The following RHOJ variants were observed in gnomAD, a reference collection of about 807,000 sequenced individuals.
RHOJ encodes ras homolog family member J.
RHOJ carries 11 observed loss-of-function variants against 23.4 expected under a neutral mutation model. The ratio of observed to expected loss-of-function variants is 0.47; its 90% CI spans 0.30 to 0.78. The LOEUF is 0.78. Among genes scored for constraint, RHOJ ranks in the 30% least tolerant of loss-of-function variants. RHOJ has a pLI of 0.08. For missense variants in RHOJ, 254 were observed against 273.4 expected, an observed-to-expected ratio of 0.93 and a Z score of 0.50; for synonymous variants, 102 against 102.7, an observed-to-expected ratio of 0.99 and a Z score of 0.04.
chr14:63,290,850 TCATG>T, intron 4 of RHOJ, 24 bp from the exon 5 acceptor site: 17 of 1,585,962 alleles, frequency 1.1e-5, no homozygotes, highest in Non-Finnish European at 1.5e-5. Context: ...TTTTTATCTC[TCATG>T]CCTTTCTCTC....
At chr14:63,260,941 A>G (rs1895261344) in intron 1 of RHOJ, among the ~76,000 whole-genome samples, 1 of 151,974 alleles carries the variant, frequency 6.6e-6, no homozygotes, top group Non-Finnish European at 1.5e-5. Flanking sequence ...GTCATGGGGG[A>G]TACACTGCAG....
chr14:63,282,294 A>G (rs1881935061), intron 3 of RHOJ, among the ~76,000 whole-genome samples: 3 of 142,246 alleles, frequency 2.1e-5, no homozygotes, highest in Admixed American at 1.4e-4. Context: ...ATGCACACAC[A>G]CACACACACA....
In RHOJ at chr14:63,246,330, T is replaced by C. The variant is rs117877177; in HGVS notation, c.179-22780T>C. 4.1e-4 allele frequency among the ~76,000 whole-genome samples: 63 copies of C among 152,228 alleles called. No individual in the cohort carries two copies. The East Asian group carries it at 0.011, about 26-fold the overall frequency. ...CCTACAACAAAAACAAAGATAAAAATTAAAAGTCTAGAGTGTTCAGGGAAA... is the reference window on the plus strand; with the variant it reads ...CCTACAACAAAAACAAAGATAAAAACTAAAAGTCTAGAGTGTTCAGGGAAA... On this transcript the variant is annotated intron_variant, in intron 1 of 4. Coordinates refer to ENST00000316754, the MANE Select transcript of RHOJ (RefSeq NM_020663.5).
intron 1 of RHOJ, among the ~76,000 whole-genome samples, chr14:63,252,450 A>T (rs558978926): frequency 6.6e-6 from 1 of 152,310 alleles, no homozygotes; most frequent in Admixed American, 6.5e-5. Flanking sequence ...ATCCATTCAG[A>T]CCAGTTCATG....
At chr14:63,257,236 CA>C (rs11463617) in intron 1 of RHOJ, among the ~76,000 whole-genome samples, 4,418 of 49,126 alleles carry the variant, frequency 0.09, 71 homozygotes, top group East Asian at 0.19. Flanking sequence ...AGACTGTCTC[CA>C]AAAAAAAAAA....
At chr14:63,278,338 T>C (rs903908468) in intron 2 of RHOJ, among the ~76,000 whole-genome samples, 1 of 151,978 alleles carries the variant, frequency 6.6e-6, no homozygotes, top group Non-Finnish European at 1.5e-5. Flanking sequence ...CCAACAGGAG[T>C]GGACCATACT....
chr14:63,289,881 A>G (rs1282973359), intron 4 of RHOJ, among the ~76,000 whole-genome samples: 1 of 151,888 alleles, frequency 6.6e-6, no homozygotes, highest in Non-Finnish European at 1.5e-5. Context: ...TTATCGTTAC[A>G]TGTTTTATTG....
At chr14:63,214,577 C>CA (rs1566603919) in intron 1 of RHOJ, among the ~76,000 whole-genome samples, 1 of 152,172 alleles carries the variant, frequency 6.6e-6, no homozygotes, top group Non-Finnish European at 1.5e-5. Flanking sequence ...AGTGAGGAAA[C>CA]AGAGTGTTCT....
At chr14:63,229,968 A>G (rs1045272706) in intron 1 of RHOJ, among the ~76,000 whole-genome samples, 1 of 152,180 alleles carries the variant, frequency 6.6e-6, no homozygotes, top group Admixed American at 6.5e-5. Context: ...TTAGGCCGCT[A>G]AGAATTTTCT....
At chr14:63,236,915 C>G (rs1894800198) in intron 1 of RHOJ, among the ~76,000 whole-genome samples, 1 of 152,148 alleles carries the variant, frequency 6.6e-6, no homozygotes, top group African/African-American at 2.4e-5. Flanking sequence ...ACACATCCAC[C>G]TGTATACTTT....
At chr14:63,263,961 C>T (rs1037003583) in intron 1 of RHOJ, among the ~76,000 whole-genome samples, 1 of 150,376 alleles carries the variant, frequency 6.6e-6, no homozygotes, top group African/African-American at 2.5e-5. Context: ...AGCTCAGACA[C>T]CCCCTCCTCC....
At chr14:63,266,034 C>T (rs937870983) in intron 1 of RHOJ, among the ~76,000 whole-genome samples, 4 of 152,150 alleles carry the variant, frequency 2.6e-5, no homozygotes, top group African/African-American at 9.7e-5. Context: ...TTGTCAGACC[C>T]TGAAAGTGCC....
At chr14:63,243,315 A>C (rs936889631) in intron 1 of RHOJ, among the ~76,000 whole-genome samples, 3 of 152,116 alleles carry the variant, frequency 2.0e-5, no homozygotes, top group African/African-American at 7.2e-5. Flanking sequence ...TTGGAATGGC[A>C]TAAGGATATA....
intron 1 of RHOJ, among the ~76,000 whole-genome samples, chr14:63,214,162 A>T (rs2139730202): frequency 6.6e-6 from 1 of 152,336 alleles, no homozygotes; most frequent in African/African-American, 2.4e-5. Flanking sequence ...GCCATAAGAA[A>T]AGCTTACTTG....
chr14:63,262,470 C>G (rs997912787), intron 1 of RHOJ, among the ~76,000 whole-genome samples: 1 of 152,224 alleles, frequency 6.6e-6, no homozygotes, highest in East Asian at 1.9e-4. Context: ...ACATACTTAA[C>G]AGGTCACTGA....
At chr14:63,266,107 T>C (rs910209783) in intron 1 of RHOJ, among the ~76,000 whole-genome samples, 8 of 152,226 alleles carry the variant, frequency 5.3e-5, no homozygotes, top group Non-Finnish European at 1.0e-4. Context: ...GAATTTTCTA[T>C]GGACTGTAGA....
intron 1 of RHOJ, among the ~76,000 whole-genome samples, chr14:63,263,273 A>G (rs1014198921): frequency 2.0e-5 from 3 of 152,226 alleles, no homozygotes; most frequent in Admixed American, 6.5e-5. Flanking sequence ...TATGTTTACC[A>G]TTAGCATTTT....
intron 1 of RHOJ, among the ~76,000 whole-genome samples, chr14:63,253,169 T>C (rs1467359636): frequency 6.6e-6 from 1 of 152,236 alleles, no homozygotes; most frequent in Non-Finnish European, 1.5e-5. Context: ...ACATGTCTGT[T>C]ATCGGTCCTG....
chr14:63,232,644 CATA>C (rs1354351050), intron 1 of RHOJ, among the ~76,000 whole-genome samples: 3 of 150,296 alleles, frequency 2.0e-5, no homozygotes, highest in Non-Finnish European at 4.4e-5. Context: ...TTTATGCAAG[CATA>C]ATAATTATAC....
Sources: gnomAD v4.1 joint callset for allele counts (sites outside exome capture counted in the v4.1 genomes callset) on GRCh38, gnomAD v4.1.1 for gene constraint, MANE v1.5 for transcripts, NCBI Gene and HGNC (gene_info 2026-07-23, HGNC 2026-07-21) for gene names.